Variants in MYH7B observed in about 807,000 individuals in gnomAD.
MYH7B encodes myosin heavy chain 7B.
In MYH7B, 205 loss-of-function variants were observed where a neutral mutation model predicts 234.5. The ratio of observed to expected loss-of-function variants is 0.87; its 90% CI spans 0.78 to 0.98. MYH7B has a LOEUF of 0.98. Among genes scored for constraint, MYH7B ranks in the 50% least tolerant of loss-of-function variants. The probability of loss-of-function intolerance (pLI) is 0.00; values close to 1 mark genes in which losing one functional copy is unlikely to be tolerated. For synonymous variants in MYH7B, 1,193 were observed against 1,105.0 expected (o/e 1.08, Z -1.58); for missense variants, 2,652 against 2,633.4 (o/e 1.01, Z -0.15).
chr20:34,985,874 GAC>G (rs1488134504), intron 13 of MYH7B, among the ~76,000 whole-genome samples: 1 of 152,022 alleles, frequency 6.6e-6, no homozygotes, highest in East Asian at 1.9e-4. Flanking sequence ...CACACGCAAG[GAC>G]ACACACTGAC....
intron 2 of MYH7B, among the ~76,000 whole-genome samples, chr20:34,972,179 T>TG (rs1438745863): frequency 2.0e-5 from 3 of 152,296 alleles, no homozygotes; most frequent in South Asian, 4.1e-4. Flanking sequence ...CCTTTGCACT[T>TG]GCAATACAAC....
At chr20:34,971,667 T>G (rs1301633511) in intron 2 of MYH7B, among the ~76,000 whole-genome samples, 1 of 151,980 alleles carries the variant, frequency 6.6e-6, no homozygotes, top group African/African-American at 2.4e-5. Flanking sequence ...AGCCTCCTCC[T>G]GAGTCCTTCT....
exon 40 of MYH7B, chr20:35,000,870 A>G (rs760866114): frequency 1.2e-6 from 2 of 1,613,084 alleles, no homozygotes; most frequent in Admixed American, 1.7e-5. Flanking sequence ...GGCTGAGGAG[A>G]AGGCCAAAAA....
At chr20:34,984,606 C>T (rs765424441) in intron 10 of MYH7B, 86 bp from the exon 11 acceptor site, 30 of 1,272,918 alleles carry the variant, frequency 2.4e-5, no homozygotes, top group African/African-American at 3.0e-5. Flanking sequence ...TCCTGCTGCC[C>T]GCTGCCTCCC....
intron 3 of MYH7B, among the ~76,000 whole-genome samples, chr20:34,975,779 C>T (rs2081845559): frequency 6.6e-6 from 1 of 152,014 alleles, no homozygotes; most frequent in South Asian, 2.1e-4. Context: ...GCAGTGGTGC[C>T]ATCTCCACTC....
Position 34,984,720 on chromosome 20 carries a change from G to A in MYH7B, c.648+5G>A. On this transcript the variant is annotated splice_donor_5th_base_variant and intron_variant, in intron 11 of 44. Transcript: ENST00000262873. ...TTTCTGGCAACAAAGACGGGGGTGA[G>A]TATGGGGCCAATGTCAATGGGGCAG... 5.0e-6 allele frequency: 8 copies of A among 1,606,918 alleles called. No homozygotes were observed. The highest frequency in any genetic ancestry group is 5.9e-6 in the Non-Finnish European group (7 of 1,177,854).
At chr20:34,984,888 C>G (rs758355844) in exon 12 of MYH7B, 2 of 1,614,102 alleles carry the variant, frequency 1.2e-6, no homozygotes, top group South Asian at 1.1e-5. Context: ...GAGGCCAACC[C>G]TGCCATGGAG....
chr20:34,970,583 A>G (rs2081783794), intron 2 of MYH7B, among the ~76,000 whole-genome samples: 1 of 152,216 alleles, frequency 6.6e-6, no homozygotes, highest in African/African-American at 2.4e-5. Flanking sequence ...CCAGGGCCCA[A>G]CCATTGTTTG....
chr20:34,972,314 A>G (rs1488181639), intron 2 of MYH7B, among the ~76,000 whole-genome samples: 1 of 151,874 alleles, frequency 6.6e-6, no homozygotes, highest in African/African-American at 2.4e-5. Context: ...TTTCTGCCTC[A>G]TGGCTATTGT....
At chr20:34,972,219 CTGAA>C (rs908786866) in intron 2 of MYH7B, among the ~76,000 whole-genome samples, 6 of 152,208 alleles carry the variant, frequency 3.9e-5, no homozygotes, top group Non-Finnish European at 7.3e-5. Context: ...CTTCAAGGCT[CTGAA>C]TGATCTGCCT....
chr20:34,977,734 GTGGGT>G, intron 4 of MYH7B, 54 bp downstream of exon 4: 1 of 615,544 alleles, frequency 1.6e-6, no homozygotes, highest in Non-Finnish European at 2.8e-6. Flanking sequence ...GGGTGGGCGG[GTGGGT>G]GAGGGTGCCC....
intron 2 of MYH7B, among the ~76,000 whole-genome samples, chr20:34,970,212 C>T (rs2081779877): frequency 6.6e-6 from 1 of 152,188 alleles, no homozygotes; most frequent in Admixed American, 6.5e-5. Context: ...GAACACTTAC[C>T]ACGTACCAGG....
intron 2 of MYH7B, among the ~76,000 whole-genome samples, chr20:34,966,958 C>T (rs6120772): frequency 0.19 from 28,644 of 151,638 alleles, 2,790 homozygotes; most frequent in Middle Eastern, 0.33. Flanking sequence ...AGGCTGAGCA[C>T]GGTGGCTCAC....
chr20:34,979,959 G>T, intron 7 of MYH7B, 155 bp downstream of exon 7: 1 of 842,774 alleles, frequency 1.2e-6, no homozygotes, highest in Non-Finnish European at 1.8e-6. Context: ...CGGGGGTGGG[G>T]CTGTGAGCGA....
chr20:34,981,243 C>T, intron 9 of MYH7B, 183 bp downstream of exon 9: 4 of 665,568 alleles, frequency 6.0e-6, no homozygotes, highest in Non-Finnish European at 1.0e-5. Flanking sequence ...CCATTCTGAA[C>T]AGATGTGTTC....
At chr20:34,958,999 T>C (rs983539935) in intron 2 of MYH7B, among the ~76,000 whole-genome samples, 1 of 152,226 alleles carries the variant, frequency 6.6e-6, no homozygotes, top group Non-Finnish European at 1.5e-5. Flanking sequence ...TAATGAAAGC[T>C]GAGGATGTTT....
intron 22 of MYH7B, 79 bp downstream of exon 22, chr20:34,990,389 T>C: frequency 1.3e-6 from 2 of 1,507,704 alleles, no homozygotes; most frequent in Non-Finnish European, 1.8e-6. Context: ...CTGTCCCCTG[T>C]GCCTTGGGCG....
chr20:34,980,540 A>G, intron 7 of MYH7B, 38 bp from the exon 8 acceptor site: 2 of 1,567,192 alleles, frequency 1.3e-6, no homozygotes, highest in Non-Finnish European at 1.8e-6. Context: ...TCCATCTCAA[A>G]AACAACAACA....
intron 2 of MYH7B, among the ~76,000 whole-genome samples, chr20:34,965,716 C>G (rs2081735764): frequency 6.6e-6 from 1 of 152,192 alleles, no homozygotes; most frequent in Admixed American, 6.5e-5. Context: ...AAGGAAGCCC[C>G]TTTGAGGAGG....
Sources: allele counts gnomAD v4.1 joint callset (sites outside exome capture counted in the v4.1 genomes callset), GRCh38; gene constraint gnomAD v4.1.1; transcripts MANE v1.5; gene names NCBI Gene and HGNC (gene_info 2026-07-23, HGNC 2026-07-21).